Variants in QKI observed in about 807,000 individuals in gnomAD.
QKI encodes the protein KH domain-containing RNA-binding protein QKI.
In QKI, 10 loss-of-function variants were observed where a neutral mutation model predicts 39.0. The observed-to-expected ratio is 0.26, with a 90% CI of 0.16 to 0.43. The LOEUF is 0.43. QKI is among the 20% of genes least tolerant of loss of function. The pLI is 1.00. For synonymous variants in QKI, 204 were observed against 155.4 expected (o/e 1.31, Z -2.33); for missense variants, 218 against 428.0 (o/e 0.51, Z 4.33).
At chr6:163,508,342 G>T (rs1779224037) in intron 3 of QKI, among the ~76,000 whole-genome samples, 2 of 152,086 alleles carry the variant, frequency 1.3e-5, no homozygotes, top group Non-Finnish European at 2.9e-5. Context: ...ACATCAGAGG[G>T]TAAAACTGTG....
intron 3 of QKI, among the ~76,000 whole-genome samples, chr6:163,484,049 G>A (rs1470523464): frequency 6.6e-6 from 1 of 152,144 alleles, no homozygotes; most frequent in Non-Finnish European, 1.5e-5. Flanking sequence ...GTTACCAGGT[G>A]GATTGACAAT....
chr6:163,448,335 GTT>G (rs545732473), intron 1 of QKI, among the ~76,000 whole-genome samples: 2,344 of 137,932 alleles, frequency 0.017, 24 homozygotes, highest in South Asian at 0.027. Flanking sequence ...AATAGCTTGG[GTT>G]TTTTTTTTTT....
intron 6 of QKI, 178 bp from the exon 7 acceptor site, chr6:163,566,543 A>T (rs911256217): frequency 5.2e-5 from 75 of 1,447,988 alleles, no homozygotes; most frequent in Non-Finnish European, 6.4e-5. Flanking sequence ...CAATATTAAT[A>T]GATGCATATA....
intron 3 of QKI, among the ~76,000 whole-genome samples, chr6:163,506,636 T>G (rs575476631): frequency 1.3e-5 from 2 of 152,330 alleles, no homozygotes; most frequent in South Asian, 4.1e-4. Context: ...CATCATTACT[T>G]AAGCACTTAG....
At chr6:163,522,103 T>G (rs1266498556) in intron 3 of QKI, among the ~76,000 whole-genome samples, 1 of 152,226 alleles carries the variant, frequency 6.6e-6, no homozygotes, top group African/African-American at 2.4e-5. Context: ...TCTTTAATTC[T>G]TGCAACCTTG....
chr6:163,568,718 A>G, intron 7 of QKI: 1 of 985,474 alleles, frequency 1.0e-6, no homozygotes, highest in Non-Finnish European at 1.2e-6. Context: ...ACATATAACC[A>G]TGTAATTCTA....
At position 163,440,604 on chromosome 6, in the gene QKI, A is replaced by T. The variant is rs181333970; in HGVS notation, c.143-14675A>T. Among the ~76,000 whole-genome samples the T allele has an allele frequency of 2.5e-3, 383 of 152,324 alleles. 1 individual carries two copies. The highest frequency in any genetic ancestry group is 8.9e-3 in the African/African-American group (368 of 41,560). ...CTTCCTTAGTTTAAGTTATATGATG[A>T]GATGTAGAAACTCAATAAAAGGTAA... is the stretch of plus-strand genomic sequence containing the variant. On this transcript the variant is annotated intron_variant, in intron 1 of 7. Transcript: ENST00000361752.
intron 1 of QKI, among the ~76,000 whole-genome samples, chr6:163,419,380 C>G (rs1474953514): frequency 1.3e-5 from 2 of 151,962 alleles, no homozygotes; most frequent in African/African-American, 4.8e-5. Context: ...TGAGAGGACT[C>G]TTGCTATACA....
intron 7 of QKI, 38 bp from the exon 8 acceptor site, chr6:163,570,656 T>G (rs776973920): frequency 1.0e-5 from 16 of 1,605,618 alleles, no homozygotes; most frequent in Non-Finnish European, 1.3e-5. Context: ...TTTCTTTTCT[T>G]TTTTTTGTTT....
At chr6:163,500,888 A>G (rs1311589921) in intron 3 of QKI, among the ~76,000 whole-genome samples, 1 of 152,112 alleles carries the variant, frequency 6.6e-6, no homozygotes, top group East Asian at 1.9e-4. Context: ...ACGCCCACAC[A>G]CATAACTGAC....
At chr6:163,562,757 AT>A (rs1169902049) in intron 5 of QKI, among the ~76,000 whole-genome samples, 1 of 152,220 alleles carries the variant, frequency 6.6e-6, no homozygotes, top group African/African-American at 2.4e-5. Flanking sequence ...AACACATAGA[AT>A]TTTTAAGTTC....
intron 3 of QKI, among the ~76,000 whole-genome samples, chr6:163,534,588 A>G (rs957820402): frequency 2.6e-5 from 4 of 152,214 alleles, no homozygotes; most frequent in African/African-American, 7.2e-5. Flanking sequence ...TTTACTTATA[A>G]GTAAAATGCA....
At chr6:163,420,916 A>G (rs1787948080) in intron 1 of QKI, among the ~76,000 whole-genome samples, 1 of 152,138 alleles carries the variant, frequency 6.6e-6, no homozygotes, top group Admixed American at 6.5e-5. Context: ...TTGGAATATT[A>G]TTACCTGTCT....
rs762194004 is a variant in QKI at position 163,562,029 on chromosome 6, G to A, written c.594G>A (p.Ala198=). The stretch of plus-strand genomic sequence containing the variant: ...AGAAGATGCAGCTGATGGAGCTTGC[G>A]ATTCTGAATGGCACCTACAGAGATG... ...SLKKMQLMEL[A]ILNGTYRDAN... is the part of the protein sequence containing the mutation. Residue 198 remains alanine (A), a synonymous_variant, in exon 5 of 8, where the codon GCG becomes GCA. Transcript: ENST00000361752. The A allele has an allele frequency of 9.9e-6, 16 of 1,613,472 alleles. No individual in the cohort carries two copies. The highest frequency in any genetic ancestry group is 5.0e-5 in the Admixed American group (3 of 59,806).
chr6:163,539,822 A>G (rs9456868), intron 4 of QKI, among the ~76,000 whole-genome samples: 12,123 of 152,208 alleles, frequency 0.08, 543 homozygotes, highest in Middle Eastern at 0.12. Context: ...GAAAATGCCT[A>G]TTTCTCAACA....
Position 163,570,891 on chromosome 6 carries a change from C to A in QKI, c.*181C>A. ...ACAAAGAAATTGTTGTCCTCCAACT[C>A]AGCTTTTTTTTTTTTTTTTTCCTGT... On this transcript the variant is annotated 3_prime_UTR_variant, in exon 8 of 8. Coordinates refer to ENST00000361752, the MANE Select transcript of QKI (RefSeq NM_006775.3). 36 of 699,848 alleles carry A rather than the reference C, an allele frequency of 5.1e-5. No individual in the cohort carries two copies. Among genetic ancestry groups the A allele is most frequent in the Non-Finnish European group, 7.2e-5 (33 of 460,690 alleles). The allele number at this position is 699,848 out of a possible 1,614,324, so 43.4% of individuals were successfully genotyped here.
intron 2 of QKI, among the ~76,000 whole-genome samples, chr6:163,467,804 T>C (rs1791882566): frequency 6.6e-6 from 1 of 152,172 alleles, no homozygotes; most frequent in Non-Finnish European, 1.5e-5. Flanking sequence ...ATGGTCTGAC[T>C]TAGGATTGTT....
chr6:163,494,043 C>T (rs577224106), intron 3 of QKI, among the ~76,000 whole-genome samples: 82 of 152,170 alleles, frequency 5.4e-4, no homozygotes, highest in African/African-American at 1.8e-3. Context: ...TTTGTGTATA[C>T]CTTCAACCTA....
intron 3 of QKI, among the ~76,000 whole-genome samples, chr6:163,482,966 G>T (rs192453857): frequency 1.4e-4 from 22 of 152,244 alleles, no homozygotes; most frequent in Admixed American, 1.3e-3. Flanking sequence ...TCTGGAATCA[G>T]CCTTGATCTT....
Sources: allele counts gnomAD v4.1 joint callset (sites outside exome capture counted in the v4.1 genomes callset), GRCh38; gene constraint gnomAD v4.1.1; transcripts MANE v1.5; gene names NCBI Gene and HGNC (gene_info 2026-07-23, HGNC 2026-07-21).